The following MS4A7 variants were observed in gnomAD, a reference collection of about 807,000 sequenced individuals.
MS4A7 encodes the protein membrane spanning 4-domains A7, also known as membrane-spanning 4-domains subfamily A member 7.
MS4A7 carries 21 observed loss-of-function variants against 23.5 expected under a neutral mutation model. The ratio of observed to expected loss-of-function variants is 0.89; its 90% CI spans 0.63 to 1.29. MS4A7 has a LOEUF of 1.29. Among genes scored for constraint, MS4A7 ranks in the 50% most tolerant of loss-of-function variants. MS4A7 has a pLI of 0.00. For synonymous variants in MS4A7, 111 were observed against 107.4 expected, an observed-to-expected ratio of 1.03 and a Z score of -0.21; for missense variants, 263 against 274.2, an observed-to-expected ratio of 0.96 and a Z score of 0.29.
Position 60,389,159 on chromosome 11 carries a change from G to A in MS4A7, c.340-231G>A, listed in dbSNP as rs2085521743. 11 of 520,010 alleles carry A rather than the reference G, an allele frequency of 2.1e-5. 1 individual carries two copies. The South Asian group carries it at 2.5e-4, about 12-fold the overall frequency. The allele number at this position is 520,010 out of a possible 1,614,324, so 32.2% of individuals were successfully genotyped here. A position where few individuals can be genotyped will look rare whatever the true frequency, so the allele number is the denominator to read the frequency against. On this transcript the variant is annotated intron_variant, in intron 4 of 6. Coordinates refer to ENST00000300184, the MANE Select transcript of MS4A7 (RefSeq NM_021201.5). ...ATGGGCCAGAACCCCTCTCCCTAAGGAGGAATTATCCATGCATTTTCTTAT... is the reference window on the plus strand; with the variant it reads ...ATGGGCCAGAACCCCTCTCCCTAAGAAGGAATTATCCATGCATTTTCTTAT...
Position 60,383,207 on chromosome 11 carries a change from T to G in MS4A7, c.66T>G (p.Pro22=). The change falls in exon 2 of 7, where the codon CCT becomes CCG. Residue 22 remains proline, a synonymous_variant. Transcript: ENST00000300184. Reference sequence around the variant, plus strand: ...TTACACCAAAGGGCATCACTATCCCTCAAAGAGAGAAACCTGGACACATGT... The same window carrying G: ...TTACACCAAAGGGCATCACTATCCCGCAAAGAGAGAAACCTGGACACATGT... ...HSFTPKGITI[P]QREKPGHMYQ... 1 of 1,614,104 alleles carries G rather than the reference T, an allele frequency of 6.2e-7. No individual in the cohort carries two copies. Among genetic ancestry groups the G allele is most frequent in the Middle Eastern group, 1.6e-4 (1 of 6,062 alleles).
chr11:60,395,110 G>T lies in MS4A7; in HGVS notation c.*1249G>T. The T allele has an allele frequency of 4.8e-6, 2 of 417,758 alleles. No homozygotes were observed. Among genetic ancestry groups the T allele is most frequent in the Non-Finnish European group, 8.5e-6 (2 of 233,936 alleles). The allele number at this position is 417,758 out of a possible 1,614,324, so 25.9% of individuals were successfully genotyped here. A position where few individuals can be genotyped will look rare whatever the true frequency, so the allele number is the denominator to read the frequency against. Reference sequence around the variant, plus strand: ...CTATTTTGATCTATAGCACAGTTTTGTAATTCAGATCATCACCCCTGCACT... The same window carrying T: ...CTATTTTGATCTATAGCACAGTTTTTTAATTCAGATCATCACCCCTGCACT... On this transcript the variant is annotated 3_prime_UTR_variant, in exon 7 of 7. Transcript: ENST00000300184.
chr11:60,388,488 A>G (rs1490699801), intron 4 of MS4A7, among the ~76,000 whole-genome samples: 1 of 152,202 alleles, frequency 6.6e-6, no homozygotes, highest in Non-Finnish European at 1.5e-5. Flanking sequence ...CCTGGGTTCT[A>G]GACTGCAGCT....
At chr11:60,386,663 T>G (rs1353589106) in intron 3 of MS4A7, 54 bp from the exon 4 acceptor site, 3 of 1,408,990 alleles carry the variant, frequency 2.1e-6, no homozygotes, top group South Asian at 1.2e-5. Context: ...AGTGACATGG[T>G]GGGCACATTT....
At chr11:60,389,831 A>G in intron 5 of MS4A7, 2 of 515,028 alleles carry the variant, frequency 3.9e-6, no homozygotes, top group Non-Finnish European at 7.1e-6. Context: ...CTATCCCTCC[A>G]CTGGTCTTTC....
chr11:60,389,689 G>A (rs372612050), intron 5 of MS4A7, 93 bp downstream of exon 5: 76 of 1,249,260 alleles, frequency 6.1e-5, no homozygotes, highest in Non-Finnish European at 7.5e-5. Flanking sequence ...CTGGTTGGTC[G>A]GTCCGAATGC....
intron 5 of MS4A7, among the ~76,000 whole-genome samples, chr11:60,391,722 C>T (rs1446685455): frequency 1.3e-5 from 2 of 151,800 alleles, no homozygotes; most frequent in African/African-American, 4.8e-5. Flanking sequence ...AGTTTGAGAC[C>T]AGCCTGGCCA....
At chr11:60,385,751 C>G (rs1590793091) in intron 3 of MS4A7, among the ~76,000 whole-genome samples, 1 of 152,330 alleles carries the variant, frequency 6.6e-6, no homozygotes, top group South Asian at 2.1e-4. Flanking sequence ...TCTTTGCTGC[C>G]TTCCACCTAA....
Position 60,379,864 on chromosome 11 carries a change from G to A in MS4A7, c.-14+1200G>A, listed in dbSNP as rs191105567. ...CCATTTTTAGGTGTACAGTTCAGTG[G>A]CATTAAGCACATTCACACCATTGTG... is the stretch of plus-strand genomic sequence containing the variant. On this transcript the variant is annotated intron_variant, in intron 1 of 6. Transcript: ENST00000300184. Among the ~76,000 whole-genome samples the A allele has an allele frequency of 4.6e-5, 7 of 152,242 alleles. No individual in the cohort carries two copies. In the South Asian group the frequency reaches 6.2e-4, roughly 14 times the overall value.
At chr11:60,387,942 G>A (rs2085509507) in intron 4 of MS4A7, among the ~76,000 whole-genome samples, 1 of 152,204 alleles carries the variant, frequency 6.6e-6, no homozygotes, top group African/African-American at 2.4e-5. Context: ...ATAGCATGAC[G>A]ATTCACTAGC....
At chr11:60,382,341 G>C (rs17154877) in intron 1 of MS4A7, among the ~76,000 whole-genome samples, 3,384 of 152,300 alleles carry the variant, frequency 0.022, 156 homozygotes, top group African/African-American at 0.077. Flanking sequence ...GTAAACACAG[G>C]CTGTTAATAT....
At position 60,385,156 on chromosome 11, in the gene MS4A7, C is replaced by T. The variant is rs1429972520; in HGVS notation, c.216C>T (p.Pro72=). 6.2e-7 allele frequency: 1 copy of T among 1,614,174 alleles called. No individual in the cohort carries two copies. Residue 72 remains proline (P), a synonymous_variant, in exon 3 of 7, where the codon CCC becomes CCT. Coordinates refer to ENST00000300184, the MANE Select transcript of MS4A7 (RefSeq NM_021201.5). ...LGAILVFAPY[P]SHFNPAISTT... ...CCATCTTGGTTTTTGCTCCCTACCC[C>T]TCCCACTTCAATCCAGCAATTTCCA...
Position 60,383,167 on chromosome 11 carries a change from G to T in MS4A7, c.26G>T (p.Gly9Val), listed in dbSNP as rs754259662. The T allele has an allele frequency of 5.0e-6, 8 of 1,613,820 alleles. No individual in the cohort carries two copies. The highest frequency in any genetic ancestry group is 6.8e-6 in the Non-Finnish European group (8 of 1,179,872). ...ATGCTATTACAATCCCAAACCATGG[G>T]GGTTTCTCACAGCTTTACACCAAAG... is the stretch of plus-strand genomic sequence containing the variant. MLLQSQTM[G>V]VSHSFTPKGI... The change falls in exon 2 of 7, where the codon GGG becomes GTG. Residue 9 changes from glycine to valine, a missense_variant. Coordinates refer to ENST00000300184, the MANE Select transcript of MS4A7 (RefSeq NM_021201.5).
intron 4 of MS4A7, among the ~76,000 whole-genome samples, chr11:60,387,104 T>C (rs2085500065): frequency 1.3e-5 from 2 of 152,222 alleles, no homozygotes; most frequent in African/African-American, 2.4e-5. Context: ...TTGAATAAGG[T>C]AGCCACCCAT....
intron 5 of MS4A7, among the ~76,000 whole-genome samples, chr11:60,390,334 A>C (rs2085537701): frequency 6.6e-6 from 1 of 152,136 alleles, no homozygotes; most frequent in Non-Finnish European, 1.5e-5. Context: ...CAATCCTATA[A>C]ATATAGTATC....
intron 2 of MS4A7, among the ~76,000 whole-genome samples, chr11:60,384,522 C>A (rs955306497): frequency 6.6e-6 from 1 of 152,166 alleles, no homozygotes; most frequent in Non-Finnish European, 1.5e-5. Flanking sequence ...TGGTTGACTT[C>A]TTTTTTTATT....
At chr11:60,391,336 C>G (rs1319050080) in intron 5 of MS4A7, among the ~76,000 whole-genome samples, 7 of 152,256 alleles carry the variant, frequency 4.6e-5, no homozygotes, top group Non-Finnish European at 8.8e-5. Context: ...TGTGAAACTT[C>G]TAAGGTTCTA....
In MS4A7 at chr11:60,393,823, C is replaced by G. The variant is rs531444909; in HGVS notation, c.685C>G (p.Gln229Glu). 6.2e-7 allele frequency: 1 copy of G among 1,611,396 alleles called. No homozygotes were observed. Residue 229 changes from glutamine to glutamate, a missense_variant, in exon 7 of 7, where the codon CAA becomes GAA. Coordinates refer to ENST00000300184, the MANE Select transcript of MS4A7 (RefSeq NM_021201.5). ...CTCGACCCAGTCACAAGATCATATC[C>G]AACAGGTCAAAAAGAGTTCTTCACG... is the stretch of plus-strand genomic sequence containing the variant. ...FSSTQSQDHI[Q>E]QVKKSSSRSW...
intron 4 of MS4A7, 98 bp downstream of exon 4, chr11:60,386,871 GA>G: frequency 1.8e-6 from 2 of 1,110,924 alleles, no homozygotes; most frequent in South Asian, 3.2e-5. Context: ...AATTTAGAGA[GA>G]AAAAGCTTAG....
Sources: gnomAD v4.1 joint callset for allele counts (sites outside exome capture counted in the v4.1 genomes callset) on GRCh38, gnomAD v4.1.1 for gene constraint, MANE v1.5 for transcripts, NCBI Gene and HGNC (gene_info 2026-07-23, HGNC 2026-07-21) for gene names.